Variants in LEPROTL1 observed in about 807,000 individuals in gnomAD.
LEPROTL1 encodes the protein leptin receptor overlapping transcript-like 1.
In LEPROTL1, 6 loss-of-function variants were observed where a neutral mutation model predicts 15.4. That is an observed-to-expected ratio of 0.39 (90% CI 0.21 to 0.77). The LOEUF (loss-of-function observed/expected upper bound fraction) is 0.77. LEPROTL1 is among the 30% of genes least tolerant of loss of function. The pLI, the probability that LEPROTL1 is intolerant of heterozygous loss-of-function variation, is 0.41. For missense variants in LEPROTL1, 128 were observed against 158.1 expected, an observed-to-expected ratio of 0.81 and a Z score of 1.02; for synonymous variants, 56 against 52.6, an observed-to-expected ratio of 1.06 and a Z score of -0.28.
chr8:30,099,236 A>G (rs1488231409), intron 1 of LEPROTL1, among the ~76,000 whole-genome samples: 1 of 152,166 alleles, frequency 6.6e-6, no homozygotes, highest in Non-Finnish European at 1.5e-5. Flanking sequence ...TGCTCCATAG[A>G]TGTTTGTTAG....
intron 3 of LEPROTL1, among the ~76,000 whole-genome samples, chr8:30,123,470 G>A (rs1802861061): frequency 6.6e-6 from 1 of 152,168 alleles, no homozygotes. Context: ...TCAATTTATT[G>A]AGGTTTGCAA....
chr8:30,137,568 A>G (rs1741052494), exon 5 of LEPROTL1: 1 of 1,163,132 alleles, frequency 8.6e-7, no homozygotes, highest in Non-Finnish European at 1.2e-6. Context: ...ATTAGTCACA[A>G]AATCACATTT....
At chr8:30,108,622 T>C (rs1301109343), downstream of LEPROTL1, 3 of 151,910 alleles carry the variant, frequency 2.0e-5, no homozygotes, top group Non-Finnish European at 4.4e-5. Flanking sequence ...TAATATGATT[T>C]TGGGGACATT....
rs533066799 is a variant in LEPROTL1 at position 30,107,878 on chromosome 8, A to G, written c.*2016A>G. 41 of 984,976 alleles carry G rather than the reference A, an allele frequency of 4.2e-5. No individual in the cohort carries two copies. In the East Asian group the frequency reaches 5.7e-4, roughly 14 times the overall value. 61.0% of individuals were successfully genotyped at this position (984,976 alleles called of 1,614,324 possible). Reference sequence around the variant, plus strand: ...TTTCTAACAGCTGCGTATTATTTCTATATACTAACTGCATTGGCAGCATTG... The same window carrying G: ...TTTCTAACAGCTGCGTATTATTTCTGTATACTAACTGCATTGGCAGCATTG... On this transcript the variant is annotated 3_prime_UTR_variant, in exon 4 of 4. Coordinates refer to ENST00000321250, the MANE Select transcript of LEPROTL1 (RefSeq NM_015344.3).
chr8:30,099,875 T>C (rs1802435224), intron 1 of LEPROTL1, among the ~76,000 whole-genome samples: 1 of 152,100 alleles, frequency 6.6e-6, no homozygotes. Flanking sequence ...AGAGGGCCAG[T>C]ATAACTGAAG....
downstream of LEPROTL1, chr8:30,138,268 T>C (rs1374773580): frequency 6.2e-6 from 2 of 321,028 alleles, no homozygotes; most frequent in Non-Finnish European, 5.9e-6. Context: ...GCAATTCCCC[T>C]GTTTGTCTAG....
intron 3 of LEPROTL1, chr8:30,117,800 G>A (rs1802765627): frequency 7.0e-6 from 5 of 710,858 alleles, no homozygotes; most frequent in South Asian, 6.4e-5. Context: ...CAGAAAGATG[G>A]CAGGAGGAGC....
intron 3 of LEPROTL1, chr8:30,131,836 G>GA: frequency 7.3e-7 from 1 of 1,378,118 alleles, no homozygotes; most frequent in Non-Finnish European, 9.6e-7. Flanking sequence ...CAAAACTTTA[G>GA]AAAAAATTTT....
chr8:30,095,466 C>G lies in LEPROTL1; in HGVS notation c.-47C>G, dbSNP rs886985388. On this transcript the variant is annotated 5_prime_UTR_variant, in exon 1 of 4. Coordinates refer to ENST00000321250, the MANE Select transcript of LEPROTL1 (RefSeq NM_015344.3). ...GTCTTGGGTCTCCCGGCTGCCGCTG[C>G]TGCCGCCGCCGCCTCGGGTCGTGGA... The G allele has an allele frequency of 6.6e-5, 97 of 1,465,490 alleles. No individual in the cohort carries two copies. Among genetic ancestry groups the G allele is most frequent in the Middle Eastern group, 1.9e-4 (1 of 5,320 alleles). 90.8% of individuals were successfully genotyped at this position (1,465,490 alleles called of 1,614,324 possible).
At chr8:30,137,870 G>C, downstream of LEPROTL1, 1 of 262,772 alleles carries the variant, frequency 3.8e-6, no homozygotes, top group East Asian at 9.8e-5. Context: ...GAGATGACAA[G>C]ATTCTGACAC....
At chr8:30,120,406 A>C (rs888953885) in intron 3 of LEPROTL1, among the ~76,000 whole-genome samples, 1 of 152,176 alleles carries the variant, frequency 6.6e-6, no homozygotes, top group Non-Finnish European at 1.5e-5. Flanking sequence ...TTAGTTGTAA[A>C]ATATAAAGAG....
downstream of LEPROTL1, among the ~76,000 whole-genome samples, chr8:30,113,071 A>C (rs1304860939): frequency 1.3e-5 from 2 of 149,092 alleles, no homozygotes; most frequent in Non-Finnish European, 3.0e-5. Flanking sequence ...CAGGAGTTTG[A>C]GACAGCCTGG....
At chr8:30,117,356 G>A in intron 3 of LEPROTL1, 1 of 1,007,432 alleles carries the variant, frequency 9.9e-7, no homozygotes, top group Non-Finnish European at 1.5e-6. Flanking sequence ...GAGGCATTTT[G>A]TTTGTAAATA....
chr8:30,107,587 G>A lies in LEPROTL1; in HGVS notation c.*1725G>A, dbSNP rs1390829830. Reference sequence around the variant, plus strand: ...CCATGACTTTTAGATATGAGATGACGGGAAGCAGGACGAAATATCGGCGTG... The same window carrying A: ...CCATGACTTTTAGATATGAGATGACAGGAAGCAGGACGAAATATCGGCGTG... On this transcript the variant is annotated 3_prime_UTR_variant, in exon 4 of 4. Transcript: ENST00000321250. The A allele has an allele frequency of 2.0e-5, 20 of 985,672 alleles. No individual in the cohort carries two copies. The East Asian group carries it at 5.7e-4, about 28-fold the overall frequency. The allele number at this position is 985,672 out of a possible 1,614,324, so 61.1% of individuals were successfully genotyped here.
At position 30,127,978 on chromosome 8, in the gene LEPROTL1, G is replaced by T. The variant is rs187495292; in HGVS notation, c.280-4397G>T. 2.8e-4 allele frequency among the ~76,000 whole-genome samples: 42 copies of T among 152,230 alleles called. 3 individuals carry two copies. Among genetic ancestry groups the T allele is most frequent in the Admixed American group, 1.8e-3 (27 of 15,288 alleles). On this transcript the variant is annotated intron_variant, in intron 3 of 4. Transcript: ENST00000442880. ...CAGAGTCTTGGAAGTAATAGAGTGGGTAATGAAGGATAGGGAAACTGTTGC... is the reference window on the plus strand; with the variant it reads ...CAGAGTCTTGGAAGTAATAGAGTGGTTAATGAAGGATAGGGAAACTGTTGC...
rs1264054146 is a variant in LEPROTL1 at position 30,107,958 on chromosome 8, AG to A, written c.*2097del. 1.4e-5 allele frequency: 14 copies of A among 984,452 alleles called. No individual in the cohort carries two copies. Among genetic ancestry groups the A allele is most frequent in the Non-Finnish European group, 1.7e-5 (14 of 829,184 alleles). The allele number at this position is 984,452 out of a possible 1,614,324, so 61.0% of individuals were successfully genotyped here. A position where few individuals can be genotyped will look rare whatever the true frequency, so the allele number is the denominator to read the frequency against. ...TAGTGCTGTCTCTGATTTCTAGGCT[AG>A]TTACTTGAGATATGAATTTTCCATA... is the stretch of plus-strand genomic sequence containing the variant. On this transcript the variant is annotated 3_prime_UTR_variant, in exon 4 of 4. Transcript: ENST00000321250.
chr8:30,107,121 G>A lies in LEPROTL1; in HGVS notation c.*1259G>A. On this transcript the variant is annotated 3_prime_UTR_variant, in exon 4 of 4. Coordinates refer to ENST00000321250, the MANE Select transcript of LEPROTL1 (RefSeq NM_015344.3). ...TAAGACAAGTTTCCTGTATACCTCT[G>A]AACTGTTTTGATTTTGAGTTCATCA... is the stretch of plus-strand genomic sequence containing the variant. 1 of 983,354 alleles carries A rather than the reference G, an allele frequency of 1.0e-6. No individual in the cohort carries two copies. Among genetic ancestry groups the A allele is most frequent in the Non-Finnish European group, 1.2e-6 (1 of 828,098 alleles). 60.9% of individuals were successfully genotyped at this position (983,354 alleles called of 1,614,324 possible).
At chr8:30,104,918 G>A (rs1802537190) in intron 3 of LEPROTL1, 1 of 153,000 alleles carries the variant, frequency 6.5e-6, no homozygotes, top group Non-Finnish European at 1.5e-5. Context: ...GTTTCACCGT[G>A]TTAGCCAGAA....
chr8:30,129,711 T>TCTCACA (rs757804315), intron 3 of LEPROTL1, among the ~76,000 whole-genome samples: 67 of 128,382 alleles, frequency 5.2e-4, no homozygotes, highest in Non-Finnish European at 6.5e-4. Flanking sequence ...TGAGACCCTG[T>TCTCACA]CACACACACA....
Sources: gnomAD v4.1 joint callset for allele counts (sites outside exome capture counted in the v4.1 genomes callset) on GRCh38, gnomAD v4.1.1 for gene constraint, MANE v1.5 for transcripts, NCBI Gene and HGNC (gene_info 2026-07-23, HGNC 2026-07-21) for gene names.